The following LIX1 variants were observed in gnomAD, a reference collection of about 807,000 sequenced individuals.
LIX1 encodes protein limb expression 1 homolog.
LIX1 carries 24 observed loss-of-function variants against 33.4 expected under a neutral mutation model. The observed-to-expected ratio is 0.72, with a 90% confidence interval of 0.52 to 1.01. The LOEUF (loss-of-function observed/expected upper bound fraction) is 1.01, where lower values mean the gene tolerates loss of function less well. LIX1 is among the 50% of genes least tolerant of loss of function. LIX1 has a pLI of 0.00. For synonymous variants in LIX1, 124 were observed against 124.0 expected (o/e 1.00, Z 0.00); for missense variants, 311 against 339.2 (o/e 0.92, Z 0.65).
chr5:97,112,930 C>G (rs1476916491), intron 2 of LIX1, among the ~76,000 whole-genome samples: 2 of 152,166 alleles, frequency 1.3e-5, no homozygotes, highest in Admixed American at 6.5e-5. Flanking sequence ...TAGTCCTCCC[C>G]TGCACTGCAC....
chr5:97,136,540 C>G (rs1748176280), intron 1 of LIX1, among the ~76,000 whole-genome samples: 1 of 152,168 alleles, frequency 6.6e-6, no homozygotes, highest in South Asian at 2.1e-4. Flanking sequence ...AGGTACAGCT[C>G]TGCCCTCCTG....
chr5:97,104,278 A>G (rs1450962553), intron 4 of LIX1, among the ~76,000 whole-genome samples: 1 of 152,156 alleles, frequency 6.6e-6, no homozygotes, highest in African/African-American at 2.4e-5. Context: ...TAAGAAAACA[A>G]TTTCTAAGGT....
At chr5:97,114,590 C>A (rs1747584196) in intron 2 of LIX1, among the ~76,000 whole-genome samples, 1 of 152,138 alleles carries the variant, frequency 6.6e-6, no homozygotes, top group Non-Finnish European at 1.5e-5. Flanking sequence ...ATGTGTATTC[C>A]TGCGCCCAAA....
At chr5:97,114,390 G>A (rs755059655) in intron 2 of LIX1, among the ~76,000 whole-genome samples, 3 of 152,038 alleles carry the variant, frequency 2.0e-5, no homozygotes, top group Non-Finnish European at 2.9e-5. Flanking sequence ...TCGCTCTGAT[G>A]AATAAAAAAT....
intron 5 of LIX1, 125 bp downstream of exon 5, chr5:97,096,685 T>C: frequency 4.4e-6 from 3 of 688,080 alleles, no homozygotes; most frequent in Non-Finnish European, 7.6e-6. Context: ...TGTCCTCTGC[T>C]CTTAATAAAT....
intron 2 of LIX1, among the ~76,000 whole-genome samples, chr5:97,120,084 A>G (rs1227261930): frequency 6.6e-6 from 1 of 152,190 alleles, no homozygotes; most frequent in African/African-American, 2.4e-5. Flanking sequence ...GAATCATAAG[A>G]TATTTTTAAT....
intron 2 of LIX1, among the ~76,000 whole-genome samples, chr5:97,120,483 C>G (rs889191399): frequency 6.6e-6 from 1 of 152,120 alleles, no homozygotes; most frequent in African/African-American, 2.4e-5. Flanking sequence ...AGTAGAGAAA[C>G]AGAGAACACT....
chr5:97,094,746 TGCTAGTGATA>T lies in LIX1; in HGVS notation c.841_*1del. The stretch of plus-strand genomic sequence containing the variant: ...ACTGAGGGTACCCGGGGCTTGGCCT[TGCTAGTGATA>T]GCCACACAGGGCCGTAAGGCTCAGC... On this transcript the variant is annotated stop_lost and 3_prime_UTR_variant, in exon 6 of 6. Transcript: ENST00000274382. 1 of 1,612,616 alleles carries T rather than the reference TGCTAGTGATA, an allele frequency of 6.2e-7. No individual in the cohort carries two copies. The highest frequency in any genetic ancestry group is 1.1e-5 in the South Asian group (1 of 91,054).
At chr5:97,127,521 A>G (rs316202) in intron 1 of LIX1, among the ~76,000 whole-genome samples, 72,996 of 151,936 alleles carry the variant, frequency 0.48, 18,475 homozygotes, top group African/African-American at 0.65. Context: ...TTGTCGACTC[A>G]AAAACCAGAC....
Position 97,094,617 on chromosome 5 carries a change from AT to A in LIX1, c.*130del, listed in dbSNP as rs1746248458. 6 of 764,618 alleles carry A rather than the reference AT, an allele frequency of 7.8e-6. No homozygotes were observed. The East Asian group carries it at 1.3e-4, about 17-fold the overall frequency. The allele number at this position is 764,618 out of a possible 1,614,324, so 47.4% of individuals were successfully genotyped here. The stretch of plus-strand genomic sequence containing the variant: ...ACGACTCTCATACTCTGTAAATGGA[AT>A]GTGTGGAGAGGGTTAGGAGAGCCTT... On this transcript the variant is annotated 3_prime_UTR_variant, in exon 6 of 6. Transcript: ENST00000274382.
rs1225242675 is a variant in LIX1, at chr5:97,113,722, T to C, written c.247-6222A>G. ...TCTTCACAGAAATGGCCACCCACTT[T>C]GGAATAAAGAGGACATATAATTTGC... On this transcript the variant is annotated intron_variant, in intron 2 of 5. Transcript: ENST00000274382. Among the ~76,000 whole-genome samples, 3 of 152,210 alleles carry C rather than the reference T, an allele frequency of 2.0e-5. No individual in the cohort carries two copies. In the East Asian group the frequency reaches 5.8e-4, roughly 29 times the overall value.
chr5:97,134,229 C>T (rs1748125297), intron 1 of LIX1, among the ~76,000 whole-genome samples: 1 of 152,322 alleles, frequency 6.6e-6, no homozygotes, highest in African/African-American at 2.4e-5. Context: ...AAGCGATTCT[C>T]CTGCCTCAGC....
intron 2 of LIX1, among the ~76,000 whole-genome samples, chr5:97,117,162 C>T (rs976933581): frequency 1.3e-5 from 2 of 152,096 alleles, no homozygotes; most frequent in East Asian, 1.9e-4. Flanking sequence ...CTAACCTTCC[C>T]GTCTTTGAGT....
intron 1 of LIX1, among the ~76,000 whole-genome samples, chr5:97,132,783 G>T (rs1286730137): frequency 6.6e-6 from 1 of 152,164 alleles, no homozygotes; most frequent in African/African-American, 2.4e-5. Flanking sequence ...AGAATGTGTG[G>T]TTGCTCTTGT....
intron 4 of LIX1, among the ~76,000 whole-genome samples, chr5:97,099,526 T>A (rs1213308156): frequency 6.6e-6 from 1 of 152,190 alleles, no homozygotes; most frequent in Non-Finnish European, 1.5e-5. Context: ...ATTGTGTATG[T>A]CCATTTTTAG....
intron 2 of LIX1, 133 bp from the exon 3 acceptor site, chr5:97,107,633 T>C: frequency 1.1e-5 from 10 of 948,962 alleles, no homozygotes; most frequent in Non-Finnish European, 1.5e-5. Context: ...TATACATTGC[T>C]AATTTCCCTG....
At chr5:97,105,564 T>G (rs949730976) in intron 3 of LIX1, among the ~76,000 whole-genome samples, 1 of 152,234 alleles carries the variant, frequency 6.6e-6, no homozygotes, top group Non-Finnish European at 1.5e-5. Flanking sequence ...GTGTTAACAT[T>G]TGCATGGCTG....
At chr5:97,133,846 CAG>C (rs1748116704) in intron 1 of LIX1, among the ~76,000 whole-genome samples, 2 of 152,160 alleles carry the variant, frequency 1.3e-5, no homozygotes, top group East Asian at 1.9e-4. Context: ...ATTTTCATAA[CAG>C]TGTATTCTTC....
chr5:97,102,655 A>G (rs1746771322), intron 4 of LIX1, among the ~76,000 whole-genome samples: 1 of 152,186 alleles, frequency 6.6e-6, no homozygotes, highest in African/African-American at 2.4e-5. Context: ...CACATAGCCT[A>G]TGCAAAGCAA....
Sources: gnomAD v4.1 joint callset for allele counts (sites outside exome capture counted in the v4.1 genomes callset) on GRCh38, gnomAD v4.1.1 for gene constraint, MANE v1.5 for transcripts, NCBI Gene and HGNC (gene_info 2026-07-23, HGNC 2026-07-21) for gene names.